The following EPB41L4A variants were observed in gnomAD, a reference collection of about 807,000 sequenced individuals.
EPB41L4A encodes band 4.1-like protein 4A.
Under a neutral mutation model 108.6 loss-of-function variants are expected in EPB41L4A, and 100 were observed. That is an observed-to-expected ratio of 0.92 (90% CI 0.78 to 1.09). The LOEUF is 1.09. Among genes scored for constraint, EPB41L4A ranks in the 50% least tolerant of loss-of-function variants. The pLI is 0.00. For synonymous variants in EPB41L4A, 319 were observed against 289.0 expected, an observed-to-expected ratio of 1.10 and a Z score of -1.05; for missense variants, 1,030 against 842.7, an observed-to-expected ratio of 1.22 and a Z score of -2.75.
rs770151460 is a variant in EPB41L4A, at chr5:112,170,295, A to G, written c.1739+6T>C. On this transcript the variant is annotated splice_donor_region_variant and intron_variant, in intron 20 of 22. Transcript: ENST00000261486. ...CTTTGGTGAGAAGATTCTGAAAGGC[A>G]CTCACTCTATTTTAGTGTATGGAAT... The G allele has an allele frequency of 2.5e-6, 4 of 1,612,330 alleles. No homozygotes were observed. The highest frequency in any genetic ancestry group is 3.3e-5 in the Admixed American group (2 of 59,702).
intron 2 of EPB41L4A, among the ~76,000 whole-genome samples, chr5:112,298,166 T>C (rs1754129655): frequency 6.6e-6 from 1 of 152,148 alleles, no homozygotes; most frequent in Non-Finnish European, 1.5e-5. Context: ...CTGTGAAGAA[T>C]GATGGTGGTA....
intron 1 of EPB41L4A, among the ~76,000 whole-genome samples, chr5:112,332,420 T>C (rs1424172907): frequency 6.6e-6 from 1 of 152,226 alleles, no homozygotes; most frequent in Non-Finnish European, 1.5e-5. Context: ...ATTAGTGGTA[T>C]TTCAGAGTGT....
chr5:112,144,258 G>T (rs17134152), intron 13 of EPB41L4A, among the ~76,000 whole-genome samples: 27,038 of 152,110 alleles, frequency 0.18, 2,675 homozygotes, highest in African/African-American at 0.27. Flanking sequence ...CACTCTCATA[G>T]AGCTTTTGGT....
At chr5:112,354,499 T>C (rs1180143050) in intron 1 of EPB41L4A, among the ~76,000 whole-genome samples, 1 of 152,114 alleles carries the variant, frequency 6.6e-6, no homozygotes. Context: ...AGCTCTGTGG[T>C]AAGGAGAAAG....
chr5:112,240,055 CG>C (rs1749659659), intron 10 of EPB41L4A, among the ~76,000 whole-genome samples: 1 of 152,176 alleles, frequency 6.6e-6, no homozygotes, highest in Admixed American at 6.5e-5. Flanking sequence ...TTCATCTGAC[CG>C]GACCTCCCAG....
intron 1 of EPB41L4A, among the ~76,000 whole-genome samples, chr5:112,345,551 AT>A (rs1249512395): frequency 6.6e-6 from 1 of 152,072 alleles, no homozygotes; most frequent in African/African-American, 2.4e-5. Flanking sequence ...TTGTAGAATA[AT>A]TTTTTATTAC....
chr5:112,283,804 T>C (rs1319753825), intron 2 of EPB41L4A, among the ~76,000 whole-genome samples: 1 of 152,142 alleles, frequency 6.6e-6, no homozygotes, highest in Non-Finnish European at 1.5e-5. Flanking sequence ...GTAATTACAA[T>C]ACAATGTGGT....
intron 13 of EPB41L4A, among the ~76,000 whole-genome samples, chr5:112,144,692 C>T (rs1020322931): frequency 9.9e-5 from 15 of 152,106 alleles, no homozygotes; most frequent in Admixed American, 9.2e-4. Flanking sequence ...TAGAAGAAAA[C>T]CTAGAGGTCA....
At chr5:112,406,123 G>T (rs371233226) in intron 1 of EPB41L4A, among the ~76,000 whole-genome samples, 1 of 152,138 alleles carries the variant, frequency 6.6e-6, no homozygotes, top group Non-Finnish European at 1.5e-5. Flanking sequence ...GCTCCCTAAG[G>T]AATTCTGGAA....
chr5:112,365,104 G>C (rs1759041290), intron 1 of EPB41L4A, among the ~76,000 whole-genome samples: 1 of 152,166 alleles, frequency 6.6e-6, no homozygotes, highest in African/African-American at 2.4e-5. Flanking sequence ...CTAAATCAAT[G>C]CTTGTTGAAT....
At chr5:112,327,564 A>T (rs1756255983) in intron 1 of EPB41L4A, among the ~76,000 whole-genome samples, 1 of 152,092 alleles carries the variant, frequency 6.6e-6, no homozygotes, top group Admixed American at 6.5e-5. Flanking sequence ...AAAAATTTAA[A>T]AATTAGCCAG....
intron 1 of EPB41L4A, among the ~76,000 whole-genome samples, chr5:112,397,043 G>T (rs773567503): frequency 3.3e-5 from 5 of 152,058 alleles, no homozygotes; most frequent in Non-Finnish European, 5.9e-5. Flanking sequence ...TCCAAATACT[G>T]AACATTATAC....
chr5:112,380,649 C>T (rs1760112522), intron 1 of EPB41L4A, among the ~76,000 whole-genome samples: 1 of 152,080 alleles, frequency 6.6e-6, no homozygotes, highest in Non-Finnish European at 1.5e-5. Context: ...TTAATGTATA[C>T]TCTTCCAAGC....
chr5:112,205,596 A>G, intron 13 of EPB41L4A, 92 bp from the exon 14 acceptor site: 1 of 943,496 alleles, frequency 1.1e-6, no homozygotes, highest in African/African-American at 1.7e-5. Context: ...TTTTTAACAA[A>G]TGTTAAGATG....
At chr5:112,332,102 T>C (rs1756610981) in intron 1 of EPB41L4A, among the ~76,000 whole-genome samples, 1 of 152,248 alleles carries the variant, frequency 6.6e-6, no homozygotes. Flanking sequence ...AAAGGTTATC[T>C]GGACTTCCTC....
rs188968020 is a variant in EPB41L4A, at chr5:112,344,359, T to C, written c.100-36869A>G. ...CTAGAAATACACACTTACTAGAACATTAATTTACAATGACCAGGATTTGCT... is the reference window on the plus strand; with the variant it reads ...CTAGAAATACACACTTACTAGAACACTAATTTACAATGACCAGGATTTGCT... On this transcript the variant is annotated intron_variant, in intron 1 of 22. Coordinates refer to ENST00000261486, the MANE Select transcript of EPB41L4A (RefSeq NM_022140.5). Among the ~76,000 whole-genome samples the C allele has an allele frequency of 2.6e-5, 4 of 152,246 alleles. No homozygotes were observed. In the East Asian group the frequency reaches 7.7e-4, roughly 29 times the overall value.
At chr5:112,291,775 T>G (rs993157554) in intron 2 of EPB41L4A, among the ~76,000 whole-genome samples, 5 of 152,178 alleles carry the variant, frequency 3.3e-5, no homozygotes, top group Non-Finnish European at 5.9e-5. Context: ...TCCTGGAGGG[T>G]GGCGTGCCCA....
chr5:112,205,276 T>G, intron 14 of EPB41L4A, 145 bp downstream of exon 14: 1 of 734,714 alleles, frequency 1.4e-6, no homozygotes, highest in South Asian at 1.5e-5. Flanking sequence ...CCCTCTCCCC[T>G]GGGTCACATT....
intron 1 of EPB41L4A, among the ~76,000 whole-genome samples, chr5:112,350,923 C>T (rs551581337): frequency 1.4e-4 from 21 of 152,276 alleles, no homozygotes; most frequent in Admixed American, 3.3e-4. Context: ...ACTAATTCAG[C>T]GCTGCAATAA....
Sources: allele counts gnomAD v4.1 joint callset (sites outside exome capture counted in the v4.1 genomes callset), GRCh38; gene constraint gnomAD v4.1.1; transcripts MANE v1.5; gene names NCBI Gene and HGNC (gene_info 2026-07-23, HGNC 2026-07-21).